ZCWPW1: variants seen among roughly 807,000 people sequenced by gnomAD.
The protein encoded by ZCWPW1 is zinc finger CW-type and PWWP domain containing 1.
ZCWPW1 carries 56 observed loss-of-function variants against 81.3 expected under a neutral mutation model. The ratio of observed to expected loss-of-function variants is 0.69; its 90% CI spans 0.56 to 0.86. ZCWPW1 has a LOEUF of 0.86. Among genes scored for constraint, ZCWPW1 ranks in the 40% least tolerant of loss-of-function variants. The probability of loss-of-function intolerance (pLI) is 0.00; values close to 1 mark genes in which losing one functional copy is unlikely to be tolerated. For synonymous variants in ZCWPW1, 250 were observed against 273.7 expected (o/e 0.91, Z 0.86); for missense variants, 650 against 769.8 (o/e 0.84, Z 1.84).
Position 100,401,971 on chromosome 7 carries a change from A to G in ZCWPW1, c.1545T>C (p.Ser515=). 1 of 1,614,120 alleles carries G rather than the reference A, an allele frequency of 6.2e-7. No individual in the cohort carries two copies. Among genetic ancestry groups the G allele is most frequent in the South Asian group, 1.1e-5 (1 of 91,086 alleles). ...GAGGAGCTGTGGATTTCCTGCCTAGAGATCTCTTCATTATCTTCCTCTGCA... is the reference window on the plus strand; with the variant it reads ...GAGGAGCTGTGGATTTCCTGCCTAGGGATCTCTTCATTATCTTCCTCTGCA... ...RTLQRKIMKR[S]LGRKSTAPPA... Residue 515 remains serine, a synonymous_variant, in exon 17 of 18, where the codon TCT becomes TCC. Coordinates refer to ENST00000684423, the MANE Select transcript of ZCWPW1 (RefSeq NM_001386010.1).
rs1162039488 is a variant in ZCWPW1 at position 100,409,488 on chromosome 7, G to A, written c.811C>T (p.Leu271=). The A allele has an allele frequency of 6.2e-7, 1 of 1,614,054 alleles. No homozygotes were observed. Among genetic ancestry groups the A allele is most frequent in the Non-Finnish European group, 8.5e-7 (1 of 1,179,988 alleles). Reference sequence around the variant, plus strand: ...ACTGAGGGGTCAATGTTCCCACACAGCCGCCTCCATTTCCCACAGTTTGGG... The same window carrying A: ...ACTGAGGGGTCAATGTTCCCACACAACCGCCTCCATTTCCCACAGTTTGGG... The part of the protein sequence containing the change: ...SFPNCGKWRR[L]CGNIDPSVLP... The change falls in exon 9 of 18, where the codon CTG becomes TTG. Residue 271 remains leucine (L), a synonymous_variant. Transcript: ENST00000684423.
At position 100,419,225 on chromosome 7, in the gene ZCWPW1, T is replaced by G. The variant is rs377028886; in HGVS notation, c.283-36A>C. The G allele has an allele frequency of 3.9e-5, 61 of 1,575,226 alleles. No homozygotes were observed. In the African/African-American group the frequency reaches 7.6e-4, roughly 20 times the overall value. On this transcript the variant is annotated intron_variant, in intron 4 of 17. Transcript: ENST00000684423. ...AAGGGTAGGGGAGGAAAACCACTTATCTTTCCATAGTTTTCCCCTCTGAAC... is the reference window on the plus strand; with the variant it reads ...AAGGGTAGGGGAGGAAAACCACTTAGCTTTCCATAGTTTTCCCCTCTGAAC...
At chr7:100,424,682 A>C (rs1278268869) in intron 2 of ZCWPW1, among the ~76,000 whole-genome samples, 1 of 151,954 alleles carries the variant, frequency 6.6e-6, no homozygotes, top group Non-Finnish European at 1.5e-5. Flanking sequence ...GGATAGTCTC[A>C]ATCTCCTGAC....
intron 10 of ZCWPW1, among the ~76,000 whole-genome samples, chr7:100,407,986 T>C (rs903786822): frequency 6.6e-6 from 1 of 152,216 alleles, no homozygotes; most frequent in African/African-American, 2.4e-5. Context: ...GGACTCACTC[T>C]GTCGCCCAGA....
At chr7:100,404,294 G>GA in intron 13 of ZCWPW1, 50 bp from the exon 14 acceptor site, 2 of 1,546,484 alleles carry the variant, frequency 1.3e-6, no homozygotes, top group East Asian at 2.3e-5. Flanking sequence ...TTCAGGCGCA[G>GA]CTTTTGCCTT....
chr7:100,405,169 C>T (rs879399719), intron 12 of ZCWPW1, 76 bp from the exon 13 acceptor site: 12 of 1,429,388 alleles, frequency 8.4e-6, no homozygotes, highest in African/African-American at 1.4e-5. Context: ...GTGGCTCACA[C>T]CTGTAATCCC....
chr7:100,424,825 A>G (rs1189725704), intron 2 of ZCWPW1, among the ~76,000 whole-genome samples: 4 of 152,194 alleles, frequency 2.6e-5, no homozygotes, highest in African/African-American at 9.6e-5. Context: ...CATTTCCAGT[A>G]TTTAGGTTCA....
In ZCWPW1 at chr7:100,402,130, C is replaced by A. The variant is rs1246210385; in HGVS notation, c.1475-89G>T. 4 of 1,485,876 alleles carry A rather than the reference C, an allele frequency of 2.7e-6. No homozygotes were observed. The South Asian group carries it at 4.0e-5, about 15-fold the overall frequency. 92.0% of individuals were successfully genotyped at this position (1,485,876 alleles called of 1,614,324 possible). On this transcript the variant is annotated intron_variant, in intron 16 of 17. Coordinates refer to ENST00000684423, the MANE Select transcript of ZCWPW1 (RefSeq NM_001386010.1). Reference sequence around the variant, plus strand: ...CTGCACATTGAGTTTCTGCCCTGCCCCACATCTTCTGCTCAGTTGCAATCT... The same window carrying A: ...CTGCACATTGAGTTTCTGCCCTGCCACACATCTTCTGCTCAGTTGCAATCT...
intron 2 of ZCWPW1, among the ~76,000 whole-genome samples, chr7:100,424,489 G>T (rs1247800194): frequency 6.6e-6 from 1 of 152,006 alleles, no homozygotes; most frequent in Non-Finnish European, 1.5e-5. Context: ...TTGAGACACA[G>T]TCTTGCTCTA....
At chr7:100,420,088 A>G (rs1195917776) in intron 3 of ZCWPW1, among the ~76,000 whole-genome samples, 1 of 152,162 alleles carries the variant, frequency 6.6e-6, no homozygotes, top group African/African-American at 2.4e-5. Context: ...GCAATCTGTA[A>G]TTTTACAAGG....
intron 6 of ZCWPW1, 24 bp downstream of exon 6, chr7:100,417,042 C>G (rs757513593): frequency 5.8e-6 from 9 of 1,561,194 alleles, no homozygotes; most frequent in Non-Finnish European, 7.9e-6. Flanking sequence ...CTGTGTTCAA[C>G]TTGCCTCACT....
intron 1 of ZCWPW1, among the ~76,000 whole-genome samples, chr7:100,426,803 C>A (rs1444250223): frequency 8.7e-6 from 1 of 114,862 alleles, no homozygotes; most frequent in African/African-American, 3.4e-5. Flanking sequence ...CTCTTCCCTC[C>A]CTCCTCCCCC....
chr7:100,409,337 A>G, intron 9 of ZCWPW1, 91 bp downstream of exon 9: 1 of 1,029,200 alleles, frequency 9.7e-7, no homozygotes, highest in Non-Finnish European at 1.5e-6. Flanking sequence ...TGCTAACTAT[A>G]TTTACGTAGT....
At chr7:100,405,464 T>A (rs1212079319) in intron 12 of ZCWPW1, among the ~76,000 whole-genome samples, 1 of 152,042 alleles carries the variant, frequency 6.6e-6, no homozygotes, top group Admixed American at 6.6e-5. Context: ...GAGTCACTAA[T>A]AAATATTAGA....
In ZCWPW1 at chr7:100,416,364, G is replaced by C; in HGVS notation, c.572C>G (p.Pro191Arg). The change falls in exon 7 of 18, where the codon CCT (proline) becomes CGT (arginine). Residue 191 changes from proline (P) to arginine (R), a missense_variant. Transcript: ENST00000684423. ...ATTGGATTTCTTCTTAGAGGGTGCAGGATCTGGCTGGCCTAACTTAGATGT... is the reference window on the plus strand; with the variant it reads ...ATTGGATTTCTTCTTAGAGGGTGCACGATCTGGCTGGCCTAACTTAGATGT... ...IRTSKLGQPDPAPSKKKSNRL... is the reference protein window; with the variant it reads ...IRTSKLGQPDRAPSKKKSNRL... The C allele has an allele frequency of 1.2e-6, 2 of 1,614,170 alleles. No individual in the cohort carries two copies. The highest frequency in any genetic ancestry group is 1.3e-5 in the African/African-American group (1 of 75,034).
chr7:100,427,355 G>C (rs1223318185), intron 1 of ZCWPW1, among the ~76,000 whole-genome samples: 3 of 150,728 alleles, frequency 2.0e-5, no homozygotes, highest in Non-Finnish European at 4.4e-5. Context: ...CTTAAGTCAG[G>C]AGTTCGGGAC....
At chr7:100,407,365 C>T in intron 10 of ZCWPW1, 62 bp from the exon 11 acceptor site, 1 of 1,417,290 alleles carries the variant, frequency 7.1e-7, no homozygotes, top group Non-Finnish European at 9.9e-7. Flanking sequence ...AGAACACAAC[C>T]TCATCAATGT....
chr7:100,402,101 G>A, intron 16 of ZCWPW1, 60 bp from the exon 17 acceptor site: 4 of 1,542,362 alleles, frequency 2.6e-6, no homozygotes, highest in African/African-American at 1.4e-5. Flanking sequence ...AGGGCAGATG[G>A]ACACTGCACA....
At position 100,401,035 on chromosome 7, in the gene ZCWPW1, G is replaced by A. The variant is rs748935435; in HGVS notation, c.1929C>T (p.Pro643=). 8.7e-6 allele frequency: 14 copies of A among 1,610,474 alleles called. No individual in the cohort carries two copies. Among genetic ancestry groups the A allele is most frequent in the African/African-American group, 5.3e-5 (4 of 74,832 alleles). The stretch of plus-strand genomic sequence containing the variant: ...CCAGCTACTTCCCAAACAGCGCCAC[G>A]GGGAAGTCCTCGCCATCACTGTTGC... ...QHSNSDGEDF[P]VALFGK Residue 643 remains proline, a synonymous_variant, in exon 18 of 18, where the codon CCC becomes CCT. Coordinates refer to ENST00000684423, the MANE Select transcript of ZCWPW1 (RefSeq NM_001386010.1).
Sources: gnomAD v4.1 joint callset for allele counts (sites outside exome capture counted in the v4.1 genomes callset) on GRCh38, gnomAD v4.1.1 for gene constraint, MANE v1.5 for transcripts, NCBI Gene and HGNC (gene_info 2026-07-23, HGNC 2026-07-21) for gene names.